The following HCRTR2 variants were observed in gnomAD, a reference collection of about 807,000 sequenced individuals.
HCRTR2 encodes the protein hypocretin receptor 2.
HCRTR2 carries 22 observed loss-of-function variants against 49.0 expected under a neutral mutation model. That is an observed-to-expected ratio of 0.45 (90% confidence interval 0.32 to 0.64). HCRTR2 has a LOEUF of 0.64. HCRTR2 is among the 30% of genes least tolerant of loss of function. HCRTR2 has a pLI of 0.04. For synonymous variants in HCRTR2, 236 were observed against 205.3 expected, an observed-to-expected ratio of 1.15 and a Z score of -1.28; for missense variants, 491 against 559.4, an observed-to-expected ratio of 0.88 and a Z score of 1.23.
chr6:55,200,654 G>A (rs1006723931), intron 1 of HCRTR2, among the ~76,000 whole-genome samples: 4 of 151,870 alleles, frequency 2.6e-5, no homozygotes, highest in Non-Finnish European at 5.9e-5. Context: ...ACTGTCTTTA[G>A]TCTTATTCAC....
At chr6:55,237,405 T>G (rs1437027576) in intron 1 of HCRTR2, among the ~76,000 whole-genome samples, 5 of 152,186 alleles carry the variant, frequency 3.3e-5, no homozygotes, top group Non-Finnish European at 7.3e-5. Flanking sequence ...TACTTCAGAT[T>G]TATCCCTATC....
intron 1 of HCRTR2, among the ~76,000 whole-genome samples, chr6:55,219,819 A>G (rs917221745): frequency 6.6e-6 from 1 of 151,982 alleles, no homozygotes; most frequent in Non-Finnish European, 1.5e-5. Context: ...TAACTAAGAA[A>G]AAAGAGAGAA....
intron 1 of HCRTR2, among the ~76,000 whole-genome samples, chr6:55,237,359 T>C (rs2127303135): frequency 6.6e-6 from 1 of 152,318 alleles, no homozygotes; most frequent in East Asian, 1.9e-4. Flanking sequence ...ACTGGAGGCT[T>C]TGGAAGCTGG....
intron 1 of HCRTR2, among the ~76,000 whole-genome samples, chr6:55,189,798 A>T (rs2998995): frequency 6.6e-6 from 1 of 152,002 alleles, no homozygotes; most frequent in Non-Finnish European, 1.5e-5. Context: ...CTTAAAATAA[A>T]ATTAAATTAT....
At chr6:55,150,125 AT>A (rs1050378759) in intron 1 of HCRTR2, among the ~76,000 whole-genome samples, 1 of 151,918 alleles carries the variant, frequency 6.6e-6, no homozygotes. Context: ...CATCACATAC[AT>A]TTAATATTCT....
chr6:55,128,864 GATCA>G (rs1053018157), intron 1 of HCRTR2, among the ~76,000 whole-genome samples: 4 of 152,040 alleles, frequency 2.6e-5, no homozygotes, highest in Non-Finnish European at 5.9e-5. Flanking sequence ...ATAATAACAT[GATCA>G]TGAAGAGATT....
intron 3 of HCRTR2, among the ~76,000 whole-genome samples, chr6:55,256,239 C>G (rs1350775467): frequency 6.6e-6 from 1 of 151,998 alleles, no homozygotes; most frequent in Non-Finnish European, 1.5e-5. Context: ...CTGACCTCTT[C>G]TAGGTAAGTA....
chr6:55,173,040 G>GA (rs930014740), upstream of HCRTR2, among the ~76,000 whole-genome samples: 47 of 152,108 alleles, frequency 3.1e-4, no homozygotes, highest in African/African-American at 1.0e-3. Flanking sequence ...ATGTAGGTGG[G>GA]AGCTACTGTC....
chr6:55,210,545 G>A (rs1379864276), intron 1 of HCRTR2, among the ~76,000 whole-genome samples: 1 of 152,124 alleles, frequency 6.6e-6, no homozygotes, highest in South Asian at 2.1e-4. Flanking sequence ...ACCCACTGTT[G>A]CAGTGGGGAA....
chr6:55,139,920 G>T (rs966895265), intron 1 of HCRTR2, among the ~76,000 whole-genome samples: 3 of 152,064 alleles, frequency 2.0e-5, no homozygotes, highest in African/African-American at 7.2e-5. Context: ...GCATAAAATT[G>T]ACCTATTTGA....
At chr6:55,237,678 T>A (rs1032974071) in intron 1 of HCRTR2, among the ~76,000 whole-genome samples, 2 of 152,226 alleles carry the variant, frequency 1.3e-5, no homozygotes, top group Non-Finnish European at 2.9e-5. Flanking sequence ...TTGATGTCCC[T>A]TCTGCCTTAG....
At position 55,174,973 on chromosome 6, in the gene HCRTR2, T is replaced by C. The variant is rs916279514; in HGVS notation, c.223+163T>C. The stretch of plus-strand genomic sequence containing the variant: ...AAATAATAATAATAATAGAAAGTTT[T>C]CTGATTTTCCGAACCGGGACCGAGC... On this transcript the variant is annotated intron_variant, in intron 1 of 6. Coordinates refer to ENST00000370862, the MANE Select transcript of HCRTR2 (RefSeq NM_001384272.1). Among the ~76,000 whole-genome samples, 33 of 152,204 alleles carry C rather than the reference T, an allele frequency of 2.2e-4. 1 individual carries two copies. Among genetic ancestry groups the C allele is most frequent in the Admixed American group, 5.9e-4 (9 of 15,288 alleles).
rs201893337 is a variant in HCRTR2 at position 55,174,692 on chromosome 6, C to A, written c.105C>A (p.Asp35Glu). 52 of 1,614,044 alleles carry A rather than the reference C, an allele frequency of 3.2e-5. No homozygotes were observed. Among genetic ancestry groups the A allele is most frequent in the Non-Finnish European group, 4.4e-5 (52 of 1,179,992 alleles). The change falls in exon 1 of 7, where the codon GAC becomes GAA. Residue 35 changes from aspartate to glutamate, a missense_variant. Asp to Glu is a conservative substitution (Grantham distance 45). Transcript: ENST00000370862. ...CCTTTTTAAACCCCACCGACTATGA[C>A]GACGAGGAATTCCTGCGGTACCTGT... The part of the protein sequence containing the change: ...QEPFLNPTDY[D>E]DEEFLRYLWR...
chr6:55,210,818 T>C (rs1401164973), intron 1 of HCRTR2, among the ~76,000 whole-genome samples: 1 of 152,170 alleles, frequency 6.6e-6, no homozygotes, highest in Non-Finnish European at 1.5e-5. Context: ...TTTTGTTGGG[T>C]ACAATCTGAT....
intron 4 of HCRTR2, among the ~76,000 whole-genome samples, chr6:55,274,557 C>T (rs765811964): frequency 6.6e-6 from 1 of 151,558 alleles, no homozygotes; most frequent in African/African-American, 2.4e-5. Flanking sequence ...CTCAATAGAA[C>T]CAATCTGTAG....
chr6:55,135,044 C>T (rs4486012), intron 1 of HCRTR2, among the ~76,000 whole-genome samples: 30,431 of 151,778 alleles, frequency 0.2, 3,290 homozygotes, highest in South Asian at 0.26. Context: ...AAGAAAGCTT[C>T]GCTAGTAGCA....
chr6:55,187,862 C>T (rs138961320), intron 1 of HCRTR2, among the ~76,000 whole-genome samples: 113 of 152,142 alleles, frequency 7.4e-4, no homozygotes, highest in African/African-American at 2.5e-3. Context: ...GTGCAAGCTC[C>T]GCCTCCCGGG....
chr6:55,127,894 T>C (rs1339011390), intron 1 of HCRTR2, among the ~76,000 whole-genome samples: 1 of 152,212 alleles, frequency 6.6e-6, no homozygotes, highest in Non-Finnish European at 1.5e-5. Context: ...CTGTTGGTAG[T>C]TTATTTTGCT....
chr6:55,136,144 A>T (rs1473803963), intron 1 of HCRTR2, among the ~76,000 whole-genome samples: 1 of 152,214 alleles, frequency 6.6e-6, no homozygotes, highest in Non-Finnish European at 1.5e-5. Flanking sequence ...CTCTTAACAC[A>T]AAATTTACTT....
Sources: gnomAD v4.1 joint callset for allele counts (sites outside exome capture counted in the v4.1 genomes callset) on GRCh38, gnomAD v4.1.1 for gene constraint, MANE v1.5 for transcripts, NCBI Gene and HGNC (gene_info 2026-07-23, HGNC 2026-07-21) for gene names.